Variants in PARP8 observed in about 807,000 individuals in gnomAD.
PARP8 encodes the protein poly(ADP-ribose) polymerase family member 8.
A neutral mutation model predicts 124.1 loss-of-function variants in PARP8; 51 were observed. The ratio of observed to expected loss-of-function variants is 0.41; its 90% CI spans 0.33 to 0.52. The LOEUF is 0.52. Ranked by LOEUF, PARP8 falls within the 20% of genes least tolerant of loss-of-function variation. The probability of loss-of-function intolerance (pLI) is 0.21; values close to 1 mark genes in which losing one functional copy is unlikely to be tolerated. For missense variants in PARP8, 860 were observed against 1,018.9 expected (o/e 0.84, Z 2.12); for synonymous variants, 391 against 361.5 (o/e 1.08, Z -0.93).
intron 1 of PARP8, 139 bp downstream of exon 1, chr5:50,667,325 G>T (rs1330109882): frequency 1.1e-6 from 1 of 910,514 alleles, no homozygotes; most frequent in Non-Finnish European, 1.7e-6. Flanking sequence ...GCTGCAACGA[G>T]CGCGGGAGCC....
intron 2 of PARP8, among the ~76,000 whole-genome samples, chr5:50,692,571 TCA>T (rs1206348548): frequency 1.3e-5 from 2 of 152,114 alleles, no homozygotes; most frequent in African/African-American, 4.8e-5. Context: ...AAAGAAGTAC[TCA>T]GTCAAGGCTT....
At chr5:50,667,784 C>T in intron 1 of PARP8, 4 of 859,004 alleles carry the variant, frequency 4.7e-6, no homozygotes, top group Admixed American at 2.0e-5. Flanking sequence ...ATTTTGCTTT[C>T]GCTACCGCGA....
intron 7 of PARP8, among the ~76,000 whole-genome samples, chr5:50,770,337 T>G (rs1481253372): frequency 6.6e-6 from 1 of 152,194 alleles, no homozygotes; most frequent in Non-Finnish European, 1.5e-5. Flanking sequence ...AAACTTTACT[T>G]GAACATCATT....
intron 15 of PARP8, among the ~76,000 whole-genome samples, chr5:50,819,427 CTTTTTTTTTT>C (rs34347134): frequency 2.6e-4 from 12 of 46,640 alleles, no homozygotes; most frequent in African/African-American, 8.5e-4. Flanking sequence ...ATTTTATCTT[CTTTTTTTTTT>C]TTTTTTTTTT....
chr5:50,835,059 A>G, intron 25 of PARP8, 44 bp downstream of exon 25: 2 of 1,533,824 alleles, frequency 1.3e-6, no homozygotes, highest in African/African-American at 1.4e-5. Context: ...TCTTTGCCAC[A>G]AATGGGTTAG....
intron 6 of PARP8, among the ~76,000 whole-genome samples, chr5:50,762,725 T>C (rs1760678614): frequency 1.3e-5 from 2 of 152,238 alleles, no homozygotes; most frequent in African/African-American, 4.8e-5. Context: ...CAGGAATGTC[T>C]TTCTAGCAAT....
intron 14 of PARP8, among the ~76,000 whole-genome samples, chr5:50,811,935 T>C (rs897400442): frequency 6.6e-6 from 1 of 152,228 alleles, no homozygotes; most frequent in Non-Finnish European, 1.5e-5. Context: ...TTTTTATGGC[T>C]GCATAGTATT....
chr5:50,827,571 A>G (rs555612443), intron 19 of PARP8, among the ~76,000 whole-genome samples: 38 of 152,264 alleles, frequency 2.5e-4, no homozygotes, highest in African/African-American at 8.7e-4. Flanking sequence ...TATTTCCCCA[A>G]TTGAATAGCT....
chr5:50,683,697 TG>T (rs1267267368), intron 2 of PARP8, among the ~76,000 whole-genome samples: 1 of 152,212 alleles, frequency 6.6e-6, no homozygotes, highest in Non-Finnish European at 1.5e-5. Context: ...AACACACTTT[TG>T]TTTTTTTCTA....
At chr5:50,779,894 A>G (rs541449143) in intron 9 of PARP8, among the ~76,000 whole-genome samples, 23 of 149,782 alleles carry the variant, frequency 1.5e-4, no homozygotes, top group Non-Finnish European at 2.8e-4. Flanking sequence ...TCTTTGCATA[A>G]TACATTCTAT....
At chr5:50,667,991 C>G in intron 1 of PARP8, 80 bp from the exon 2 acceptor site, 1 of 1,607,882 alleles carries the variant, frequency 6.2e-7, no homozygotes. Flanking sequence ...CTGACACCAC[C>G]GAATGTGGGG....
Position 50,792,405 on chromosome 5 carries a change from G to C in PARP8, c.738-1802G>C, listed in dbSNP as rs58366819. ...TGGGTATTCAAGTTTAAGAATTACTGATTTTAGATGTTGAATCACACTTTG... is the reference window on the plus strand; with the variant it reads ...TGGGTATTCAAGTTTAAGAATTACTCATTTTAGATGTTGAATCACACTTTG... On this transcript the variant is annotated intron_variant, in intron 10 of 25. Transcript: ENST00000281631. Among the ~76,000 whole-genome samples, 140 of 151,924 alleles carry C rather than the reference G, an allele frequency of 9.2e-4. 1 individual carries two copies. The highest frequency in any genetic ancestry group is 3.3e-3 in the African/African-American group (135 of 41,514).
At chr5:50,731,364 T>C (rs1474790563) in intron 2 of PARP8, among the ~76,000 whole-genome samples, 1 of 152,154 alleles carries the variant, frequency 6.6e-6, no homozygotes. Flanking sequence ...AAAGAATGAG[T>C]GTGTTGGTCT....
chr5:50,730,241 A>G (rs1336190001), intron 2 of PARP8, among the ~76,000 whole-genome samples: 3 of 151,934 alleles, frequency 2.0e-5, no homozygotes, highest in African/African-American at 7.3e-5. Context: ...ATAAATGTCA[A>G]ACTGTATTAG....
chr5:50,678,065 G>A (rs1026035778), intron 2 of PARP8, among the ~76,000 whole-genome samples: 1 of 152,086 alleles, frequency 6.6e-6, no homozygotes, highest in Non-Finnish European at 1.5e-5. Flanking sequence ...ATGTAGATAA[G>A]TACATGAGAG....
intron 7 of PARP8, among the ~76,000 whole-genome samples, chr5:50,768,977 C>G (rs1353220546): frequency 6.6e-6 from 1 of 152,196 alleles, no homozygotes; most frequent in Non-Finnish European, 1.5e-5. Flanking sequence ...CCTGCAGAAT[C>G]CAGTTAATTG....
chr5:50,692,632 C>T (rs1408962610), intron 2 of PARP8, among the ~76,000 whole-genome samples: 1 of 152,084 alleles, frequency 6.6e-6, no homozygotes, highest in Non-Finnish European at 1.5e-5. Flanking sequence ...ACAACCCTAC[C>T]TGTGAGAATT....
chr5:50,825,077 C>A, intron 18 of PARP8, 102 bp downstream of exon 18: 1 of 930,146 alleles, frequency 1.1e-6, no homozygotes, highest in African/African-American at 1.7e-5. Flanking sequence ...GTCTTACAAG[C>A]CCTGCAATGC....
rs546714991 is a variant in PARP8, at chr5:50,840,146, G to A, written c.2463-1820G>A. ...GAAATGTGTTTGACATTGTGACTTA[G>A]AAAAAAATAATTCTTTCTATCTGTG... On this transcript the variant is annotated intron_variant, in intron 25 of 25. Coordinates refer to ENST00000281631, the MANE Select transcript of PARP8 (RefSeq NM_024615.4). Among the ~76,000 whole-genome samples the A allele has an allele frequency of 1.1e-4, 16 of 150,572 alleles. No homozygotes were observed. In the Admixed American group the frequency reaches 1.1e-3, roughly 10 times the overall value.
Sources: allele counts gnomAD v4.1 joint callset (sites outside exome capture counted in the v4.1 genomes callset), GRCh38; gene constraint gnomAD v4.1.1; transcripts MANE v1.5; gene names NCBI Gene and HGNC (gene_info 2026-07-23, HGNC 2026-07-21).